The following STPG4 variants were observed in gnomAD, a reference collection of about 807,000 sequenced individuals.
STPG4 encodes protein STPG4.
Under a neutral mutation model 31.5 loss-of-function variants are expected in STPG4, and 41 were observed. That is an observed-to-expected ratio of 1.30 (90% confidence interval 1.01 to 1.69). STPG4 has a LOEUF of 1.69. STPG4 is among the 40% of genes most tolerant of loss of function. The pLI is 0.00. For synonymous variants in STPG4, 141 were observed against 103.0 expected (o/e 1.37, Z -2.24); for missense variants, 375 against 293.4 (o/e 1.28, Z -2.03).
chr2:47,089,177 C>A (rs989072154), intron 6 of STPG4, among the ~76,000 whole-genome samples: 2 of 152,216 alleles, frequency 1.3e-5, no homozygotes, highest in Non-Finnish European at 2.9e-5. Flanking sequence ...CATGACTCAG[C>A]GTTCCTGAGA....
chr2:47,089,199 C>T (rs1357575888), intron 6 of STPG4, among the ~76,000 whole-genome samples: 1 of 152,202 alleles, frequency 6.6e-6, no homozygotes, highest in Non-Finnish European at 1.5e-5. Flanking sequence ...TGCCTGACCC[C>T]GTGGGCTCCG....
chr2:47,112,118 G>A (rs1232652903), intron 5 of STPG4, among the ~76,000 whole-genome samples: 1 of 152,094 alleles, frequency 6.6e-6, no homozygotes, highest in African/African-American at 2.4e-5. Context: ...CCTTCATATG[G>A]TCATTATTCA....
intron 5 of STPG4, among the ~76,000 whole-genome samples, chr2:47,100,674 A>G (rs1296316745): frequency 6.6e-6 from 1 of 151,736 alleles, no homozygotes; most frequent in Non-Finnish European, 1.5e-5. Context: ...TATGAGCTGT[A>G]ACACTCACCG....
intron 3 of STPG4, among the ~76,000 whole-genome samples, chr2:47,143,905 A>G (rs916000145): frequency 6.6e-6 from 1 of 152,120 alleles, no homozygotes; most frequent in East Asian, 1.9e-4. Flanking sequence ...CTTTCTGGAA[A>G]CTCCCTTGCA....
chr2:47,122,828 T>G (rs1202782814), intron 5 of STPG4, among the ~76,000 whole-genome samples: 6 of 148,056 alleles, frequency 4.1e-5, no homozygotes, highest in Non-Finnish European at 7.7e-5. Context: ...TTTGTTTTGT[T>G]TTTGTTTTTG....
chr2:47,089,386 G>C (rs566219653), intron 6 of STPG4, among the ~76,000 whole-genome samples: 2 of 152,296 alleles, frequency 1.3e-5, no homozygotes, highest in Admixed American at 6.5e-5. Context: ...GCAGGCCATG[G>C]CCTGGGATAT....
At chr2:47,107,756 G>T (rs1349915562) in intron 5 of STPG4, among the ~76,000 whole-genome samples, 1 of 152,200 alleles carries the variant, frequency 6.6e-6, no homozygotes, top group African/African-American at 2.4e-5. Flanking sequence ...GTCTGGTGGG[G>T]ACGTGGAGAA....
At chr2:47,094,170 G>A (rs558629766) in intron 5 of STPG4, among the ~76,000 whole-genome samples, 32 of 152,308 alleles carry the variant, frequency 2.1e-4, no homozygotes, top group Non-Finnish European at 3.7e-4. Context: ...GATTCACCAA[G>A]CAGCACTAAG....
chr2:47,114,007 C>A (rs143559289), intron 5 of STPG4, among the ~76,000 whole-genome samples: 2,139 of 149,052 alleles, frequency 0.014, 55 homozygotes, highest in African/African-American at 0.049. Flanking sequence ...CCAGCCTGGG[C>A]GACAAAGTGA....
At chr2:47,154,801 A>G (rs1229569267) in intron 1 of STPG4, among the ~76,000 whole-genome samples, 1 of 152,232 alleles carries the variant, frequency 6.6e-6, no homozygotes, top group Non-Finnish European at 1.5e-5. Flanking sequence ...AAACGTGTCT[A>G]GTAAAACTAC....
At chr2:47,123,772 A>G (rs1268345461) in intron 5 of STPG4, among the ~76,000 whole-genome samples, 2 of 152,196 alleles carry the variant, frequency 1.3e-5, no homozygotes, top group Non-Finnish European at 2.9e-5. Flanking sequence ...ATCTTACTAT[A>G]GCAAAAGGAT....
Position 47,087,038 on chromosome 2 carries a change from G to T in STPG4, c.717C>A (p.Phe239Leu), listed in dbSNP as rs1379161936. 4 of 1,551,640 alleles carry T rather than the reference G, an allele frequency of 2.6e-6. No individual in the cohort carries two copies. The African/African-American group carries it at 5.5e-5, about 21-fold the overall frequency. ...TTAAAAGCCAATTGTTGTTGTTGAA[G>T]AAAAGGCTATGCTCTTGGCCCATTT... ...IAKMGQEHSLFFNNNNWLLK is the reference protein window; with the variant it reads ...IAKMGQEHSLLFNNNNWLLK Residue 239 changes from phenylalanine to leucine, a missense_variant, in exon 7 of 7, where the codon TTC (phenylalanine) becomes TTA (leucine). Phe to Leu is a conservative substitution (Grantham distance 22, BLOSUM62 0). Transcript: ENST00000445927.
chr2:47,145,859 A>G (rs533960897), intron 3 of STPG4, among the ~76,000 whole-genome samples: 1 of 152,372 alleles, frequency 6.6e-6, no homozygotes. Flanking sequence ...CTTGATAGCT[A>G]TAGATGCCAA....
intron 5 of STPG4, 65 bp downstream of exon 5, chr2:47,129,876 C>T (rs930670995): frequency 3.0e-5 from 47 of 1,589,734 alleles, no homozygotes; most frequent in Non-Finnish European, 3.8e-5. Flanking sequence ...TTGCTCCACT[C>T]CAGAAAGCAC....
intron 5 of STPG4, among the ~76,000 whole-genome samples, chr2:47,113,002 A>G (rs1686073769): frequency 6.6e-6 from 1 of 151,978 alleles, no homozygotes; most frequent in South Asian, 2.1e-4. Flanking sequence ...AAAAAAAAAA[A>G]AAAAAAAAAA....
chr2:47,114,871 A>G (rs1392830611), intron 5 of STPG4, among the ~76,000 whole-genome samples: 1 of 152,034 alleles, frequency 6.6e-6, no homozygotes, highest in Non-Finnish European at 1.5e-5. Flanking sequence ...GGGTTCAAGC[A>G]ATTCTCCTGC....
chr2:47,102,665 A>G (rs910110068), intron 5 of STPG4, among the ~76,000 whole-genome samples: 1 of 151,724 alleles, frequency 6.6e-6, no homozygotes. Context: ...CCTATTAATG[A>G]TAATCCTTTT....
intron 5 of STPG4, among the ~76,000 whole-genome samples, chr2:47,124,155 G>C (rs886903755): frequency 6.6e-6 from 1 of 151,852 alleles, no homozygotes. Context: ...GCTGATTTTT[G>C]TATTTTCAGT....
At chr2:47,105,352 C>G (rs1436218910) in intron 5 of STPG4, among the ~76,000 whole-genome samples, 2 of 151,920 alleles carry the variant, frequency 1.3e-5, no homozygotes, top group Admixed American at 6.6e-5. Context: ...AGGAAAGGAT[C>G]TCACTGTCTG....
Sources: allele counts gnomAD v4.1 joint callset (sites outside exome capture counted in the v4.1 genomes callset), GRCh38; gene constraint gnomAD v4.1.1; transcripts MANE v1.5; gene names NCBI Gene and HGNC (gene_info 2026-07-23, HGNC 2026-07-21).